Variants in APLP2 observed in about 807,000 individuals in gnomAD.
APLP2 encodes the protein amyloid beta precursor like protein 2, also known as CDEI box-binding protein.
A neutral mutation model predicts 89.9 loss-of-function variants in APLP2; 53 were observed. That is an observed-to-expected ratio of 0.59 (90% CI 0.47 to 0.74). The LOEUF is 0.74. Among genes scored for constraint, APLP2 ranks in the 30% least tolerant of loss-of-function variants. APLP2 has a pLI of 0.00. For synonymous variants in APLP2, 372 were observed against 348.6 expected (o/e 1.07, Z -0.75); for missense variants, 973 against 975.9 (o/e 1.00, Z 0.04).
In APLP2 at chr11:130,127,755, C is replaced by G. The variant is rs1363170576; in HGVS notation, c.1222-11C>G. ...AATCACTGCTGACGGCGTTTTTGACCTTTGTTCTAGGTAAAGAAGGAATGG... is the reference window on the plus strand; with the variant it reads ...AATCACTGCTGACGGCGTTTTTGACGTTTGTTCTAGGTAAAGAAGGAATGG... On this transcript the variant is annotated splice_polypyrimidine_tract_variant and intron_variant, in intron 8 of 16. Transcript: ENST00000338167. 1 of 1,613,728 alleles carries G rather than the reference C, an allele frequency of 6.2e-7. No homozygotes were observed. The highest frequency in any genetic ancestry group is 8.5e-7 in the Non-Finnish European group (1 of 1,179,766).
chr11:130,110,929 G>A (rs1358799091), intron 3 of APLP2, among the ~76,000 whole-genome samples: 3 of 152,062 alleles, frequency 2.0e-5, no homozygotes, highest in African/African-American at 2.4e-5. Context: ...TTGCACTTAC[G>A]CCCTCACATT....
At chr11:130,109,071 G>T (rs1948190929) in intron 1 of APLP2, 1 of 152,982 alleles carries the variant, frequency 6.5e-6, no homozygotes, top group Admixed American at 6.5e-5. Context: ...AGGGGGGAGG[G>T]ATAGCATTAG....
intron 1 of APLP2, among the ~76,000 whole-genome samples, chr11:130,086,596 T>G (rs896124813): frequency 6.6e-6 from 1 of 152,236 alleles, no homozygotes; most frequent in East Asian, 1.9e-4. Flanking sequence ...TTGTGAAATA[T>G]AATGTTATGA....
At chr11:130,127,147 A>AATAT (rs1950471731) in intron 8 of APLP2, among the ~76,000 whole-genome samples, 1 of 151,946 alleles carries the variant, frequency 6.6e-6, no homozygotes, top group Admixed American at 6.6e-5. Flanking sequence ...GTTATCAATA[A>AATAT]AAAGCTAGTA....
chr11:130,143,363 C>T lies in APLP2; in HGVS notation c.2171C>T (p.Thr724Ile). 1 of 1,614,012 alleles carries T rather than the reference C, an allele frequency of 6.2e-7. No homozygotes were observed. The highest frequency in any genetic ancestry group is 8.5e-7 in the Non-Finnish European group (1 of 1,179,942). Residue 724 changes from threonine to isoleucine, a missense_variant, in exon 17 of 17, where the codon ACC becomes ATC. Thr to Ile is a moderately conservative substitution (Grantham distance 89, BLOSUM62 -1). Coordinates refer to ENST00000338167, the MANE Select transcript of APLP2 (RefSeq NM_001142276.2). ...HGIVEVDPML[T>I]PEERHLNKMQ... ...TTCTTCCAGGTTGATCCAATGCTCA[C>T]CCCAGAAGAGCGTCACCTGAACAAG...
intron 1 of APLP2, among the ~76,000 whole-genome samples, chr11:130,078,594 T>G (rs58488415): frequency 0.11 from 16,800 of 152,184 alleles, 1,177 homozygotes; most frequent in East Asian, 0.25. Context: ...GAACTTTATT[T>G]TTTTGCCTTT....
Position 130,069,898 on chromosome 11 carries a change from G to T in APLP2, c.-80G>T, listed in dbSNP as rs952692568. ...GGGCGGCGGCGAACTGGCTTTAGAT[G>T]CTTCTGGGTCGCGGTGTGCTAAGCG... On this transcript the variant is annotated 5_prime_UTR_variant, in exon 1 of 17. It removes an upstream start codon present in the reference 5' UTR. Coordinates refer to ENST00000338167, the MANE Select transcript of APLP2 (RefSeq NM_001142276.2). The T allele has an allele frequency of 3.2e-5, 35 of 1,092,994 alleles. No individual in the cohort carries two copies. Among genetic ancestry groups the T allele is most frequent in the East Asian group, 1.9e-4 (6 of 32,270 alleles). 67.7% of individuals were successfully genotyped at this position (1,092,994 alleles called of 1,614,324 possible). A position where few individuals can be genotyped will look rare whatever the true frequency, so the allele number is the denominator to read the frequency against.
chr11:130,113,194 G>C (rs1591812931), intron 3 of APLP2, among the ~76,000 whole-genome samples: 1 of 152,122 alleles, frequency 6.6e-6, no homozygotes, highest in African/African-American at 2.4e-5. Context: ...GTAGTGCCTA[G>C]AATATCGGAT....
At chr11:130,100,391 G>A (rs1946745356) in intron 1 of APLP2, 1 of 152,076 alleles carries the variant, frequency 6.6e-6, no homozygotes, top group Non-Finnish European at 1.5e-5. Context: ...AAAACACAGG[G>A]ACTGATGAAG....
In APLP2 at chr11:130,095,664, G is replaced by C. The variant is rs989862085; in HGVS notation, c.106-13765G>C. Among the ~76,000 whole-genome samples the C allele has an allele frequency of 2.0e-5, 3 of 152,338 alleles. No homozygotes were observed. In the East Asian group the frequency reaches 5.8e-4, roughly 29 times the overall value. On this transcript the variant is annotated intron_variant, in intron 1 of 16. Transcript: ENST00000338167. ...TGGCTTCTCAAACTGTGTGCTTGGAGTCACTTGACAAAAATTAAAATTAAG... is the reference window on the plus strand; with the variant it reads ...TGGCTTCTCAAACTGTGTGCTTGGACTCACTTGACAAAAATTAAAATTAAG...
chr11:130,143,146 C>T lies in APLP2; in HGVS notation c.2155-201C>T, dbSNP rs776023046. Reference sequence around the variant, plus strand: ...GGCTAAGCTTTCAGGGCTCTCGTTTCGAAAGCATTGCCTCTTTGATCCCCT... The same window carrying T: ...GGCTAAGCTTTCAGGGCTCTCGTTTTGAAAGCATTGCCTCTTTGATCCCCT... On this transcript the variant is annotated intron_variant, in intron 16 of 16. Transcript: ENST00000338167. 3.9e-5 allele frequency among the ~76,000 whole-genome samples: 6 copies of T among 152,152 alleles called. 1 individual carries two copies. In the South Asian group the frequency reaches 1.2e-3, roughly 32 times the overall value.
At chr11:130,133,571 C>T (rs1241404764) in intron 11 of APLP2, 58 bp from the exon 12 acceptor site, 9 of 1,281,486 alleles carry the variant, frequency 7.0e-6, no homozygotes, top group Admixed American at 3.5e-5. Context: ...GCTGCAAGTT[C>T]CCTCCTGGCC....
intron 1 of APLP2, among the ~76,000 whole-genome samples, chr11:130,081,165 A>G (rs1461295597): frequency 6.6e-6 from 1 of 152,086 alleles, no homozygotes; most frequent in Non-Finnish European, 1.5e-5. Context: ...TTTTTCCTTC[A>G]TTTAACATAT....
In APLP2 at chr11:130,123,571, A is replaced by G. The variant is rs1019399725; in HGVS notation, c.923-41A>G. ...GTAGCATTTTGAAGCATTTGACGTCACTGCCTCTGTCCTGCTGACACTCTG... is the reference window on the plus strand; with the variant it reads ...GTAGCATTTTGAAGCATTTGACGTCGCTGCCTCTGTCCTGCTGACACTCTG... On this transcript the variant is annotated intron_variant, in intron 6 of 16. Coordinates refer to ENST00000338167, the MANE Select transcript of APLP2 (RefSeq NM_001142276.2). The surrounding 1 kb of genome is among the most constrained non-coding windows in gnomAD (Gnocchi z 4.0). 1.9e-6 allele frequency: 3 copies of G among 1,582,890 alleles called. No individual in the cohort carries two copies. Among genetic ancestry groups the G allele is most frequent in the Non-Finnish European group, 8.6e-7 (1 of 1,163,190 alleles).
At chr11:130,080,300 G>C (rs1942926814) in intron 1 of APLP2, among the ~76,000 whole-genome samples, 1 of 151,866 alleles carries the variant, frequency 6.6e-6, no homozygotes, top group Admixed American at 6.6e-5. Flanking sequence ...TTTGCCTCCT[G>C]GGTTCAGGTG....
intron 12 of APLP2, among the ~76,000 whole-genome samples, chr11:130,135,075 G>A (rs953792992): frequency 6.6e-6 from 1 of 152,118 alleles, no homozygotes; most frequent in African/African-American, 2.4e-5. Context: ...AGGGTATGAA[G>A]TGGTAGTTGT....
intron 1 of APLP2, among the ~76,000 whole-genome samples, chr11:130,086,707 A>G (rs1388488133): frequency 6.6e-6 from 1 of 152,148 alleles, no homozygotes; most frequent in African/African-American, 2.4e-5. Flanking sequence ...TATATGGTTT[A>G]AGGTAAGGGT....
Position 130,130,158 on chromosome 11 carries a change from A to T in APLP2, c.1576A>T (p.Lys526Ter). 6.2e-7 allele frequency: 1 copy of T among 1,614,232 alleles called. No homozygotes were observed. Among genetic ancestry groups the T allele is most frequent in the Non-Finnish European group, 8.5e-7 (1 of 1,180,036 alleles). The change falls in exon 11 of 17, where the codon AAA becomes TAA. Residue 526 changes from lysine (K) to a stop codon, truncating the protein, a stop_gained. Transcript: ENST00000338167. LOFTEE classifies it high-confidence loss of function. ...TGACCCAGAAAAGGCGGCCCAGATG[A>T]AATCCCAGGTACAGTAGATGTAGTA... ...AVDPEKAAQM[K>*]SQVMTHLHVI...
chr11:130,135,731 G>C lies in APLP2; in HGVS notation c.1837+16G>C, dbSNP rs779412036. On this transcript the variant is annotated intron_variant, in intron 13 of 16. Coordinates refer to ENST00000338167, the MANE Select transcript of APLP2 (RefSeq NM_001142276.2). ...GAGAACGAAGGTGTGTATGGGCGAC[G>C]GTGCCACTTCTGGGCAGCAGGGGGA... 4 of 1,612,976 alleles carry C rather than the reference G, an allele frequency of 2.5e-6. No individual in the cohort carries two copies. In the African/African-American group the frequency reaches 4.0e-5, roughly 16 times the overall value.
Sources: gnomAD v4.1 joint callset for allele counts (sites outside exome capture counted in the v4.1 genomes callset) on GRCh38, gnomAD v4.1.1 for gene constraint, Gnocchi (gnomAD v3.1) non-coding constraint, MANE v1.5 for transcripts, NCBI Gene and HGNC (gene_info 2026-07-23, HGNC 2026-07-21) for gene names.